The following MINAR1 variants were observed in gnomAD, a reference collection of about 807,000 sequenced individuals.
MINAR1 encodes the protein major intrinsically disordered Notch2-binding receptor 1.
A neutral mutation model predicts 65.1 loss-of-function variants in MINAR1; 40 were observed. That is an observed-to-expected ratio of 0.61 (90% CI 0.48 to 0.80). The LOEUF (loss-of-function observed/expected upper bound fraction) is 0.80, where lower values mean the gene tolerates loss of function less well. Among genes scored for constraint, MINAR1 ranks in the 30% least tolerant of loss-of-function variants. The pLI, the probability that MINAR1 is intolerant of heterozygous loss-of-function variation, is 0.00. For synonymous variants in MINAR1, 482 were observed against 449.1 expected, an observed-to-expected ratio of 1.07 and a Z score of -0.93; for missense variants, 1,128 against 1,148.0, an observed-to-expected ratio of 0.98 and a Z score of 0.25.
Position 79,458,201 on chromosome 15 carries a change from A to G in MINAR1, c.2054A>G (p.Asp685Gly). ...AACAACCCTGACTGGTGCTGCTCTG[A>G]TGCTAGCGGGAGCAACAGTGAAAGC... ...LENNPDWCCS[D>G]ASGSNSESLR... Residue 685 changes from aspartate (D) to glycine (G), a missense_variant, in exon 2 of 4, where the codon GAT becomes GGT. Asp to Gly is a moderately conservative substitution (Grantham distance 94). Transcript: ENST00000305428. 66 of 1,614,102 alleles carry G rather than the reference A, an allele frequency of 4.1e-5. No homozygotes were observed. Among genetic ancestry groups the G allele is most frequent in the Non-Finnish European group, 5.6e-5 (66 of 1,180,016 alleles).
chr15:79,456,758 C>CCAGCCCT lies in MINAR1; in HGVS notation c.619_625dup (p.Cys209SerfsTer4). 5 of 1,614,190 alleles carry CCAGCCCT rather than the reference C, an allele frequency of 3.1e-6. No homozygotes were observed. Among genetic ancestry groups the CCAGCCCT allele is most frequent in the Non-Finnish European group, 4.2e-6 (5 of 1,180,036 alleles). On this transcript the variant is annotated frameshift_variant, in exon 2 of 4. Coordinates refer to ENST00000305428, the MANE Select transcript of MINAR1 (RefSeq NM_015206.3). LOFTEE classifies it high-confidence loss of function. ...CAGGCCCTGGCTCCGTACTCTGTGA[C>CCAGCCCT]CAGCCCTCAGCCCTGTGAGATGCAG...
chr15:79,463,262 A>C lies in MINAR1; in HGVS notation c.2494A>C (p.Ile832Leu), dbSNP rs2297773. The C allele has an allele frequency of 6.2e-7, 1 of 1,614,048 alleles. No homozygotes were observed. Among genetic ancestry groups the C allele is most frequent in the Admixed American group, 1.7e-5 (1 of 60,026 alleles). ...GAAGCGGGGCCAACCTTCTTGGACCATTGAGGAGTATGCACGGAATGCGGG... is the reference window on the plus strand; with the variant it reads ...GAAGCGGGGCCAACCTTCTTGGACCCTTGAGGAGTATGCACGGAATGCGGG... ...EVKRGQPSWT[I>L]EEYARNAGDK... Residue 832 changes from isoleucine to leucine, a missense_variant, in exon 3 of 4, where the codon ATT becomes CTT. By Grantham distance (5) the Ile-to-Leu change is conservative. Coordinates refer to ENST00000305428, the MANE Select transcript of MINAR1 (RefSeq NM_015206.3).
chr15:79,463,602 A>T (rs1161760475), intron 3 of MINAR1: 4 of 627,438 alleles, frequency 6.4e-6, no homozygotes, highest in Non-Finnish European at 8.9e-6. Flanking sequence ...TGCATTTACG[A>T]CTCTGTACCA....
chr15:79,468,435 G>A lies in MINAR1; in HGVS notation c.*51G>A, dbSNP rs748754883. 2.6e-6 allele frequency: 4 copies of A among 1,525,742 alleles called. No individual in the cohort carries two copies. Among genetic ancestry groups the A allele is most frequent in the Non-Finnish European group, 3.6e-6 (4 of 1,114,670 alleles). The allele number at this position is 1,525,742 out of a possible 1,614,324, so 94.5% of individuals were successfully genotyped here. A position where few individuals can be genotyped will look rare whatever the true frequency, so the allele number is the denominator to read the frequency against. ...CTTATGACTACCAATGTCGTCGTCT[G>A]TATCTTAGAATCTTGCAGCAGTGAG... On this transcript the variant is annotated 3_prime_UTR_variant, in exon 4 of 4. Coordinates refer to ENST00000305428, the MANE Select transcript of MINAR1 (RefSeq NM_015206.3).
chr15:79,466,610 C>G (rs1440488732), intron 3 of MINAR1, among the ~76,000 whole-genome samples: 1 of 152,116 alleles, frequency 6.6e-6, no homozygotes, highest in Non-Finnish European at 1.5e-5. Flanking sequence ...GGTGGCAGGT[C>G]AGATACGGCC....
the MINAR1 span, chr15:79,411,654 G>T: frequency 3.3e-6 from 2 of 602,662 alleles, no homozygotes; most frequent in Admixed American, 5.1e-5. Flanking sequence ...AGTTAAACTG[G>T]CAAGGAACAA....
chr15:79,444,569 T>TA (rs1291394376), intron 1 of MINAR1, among the ~76,000 whole-genome samples: 128 of 152,260 alleles, frequency 8.4e-4, no homozygotes, highest in Non-Finnish European at 2.4e-4. Context: ...TTTATTACTA[T>TA]AAACTTTCCT....
At chr15:79,425,062 C>CA in the MINAR1 span, 50,485 of 150,968 alleles carry the variant, frequency 0.33, 10,100 homozygotes, top group Middle Eastern at 0.48. Context: ...TTTTTTGAGA[C>CA]AGAGTCTCAC....
chr15:79,427,980 T>C (rs1894349476), upstream of MINAR1, among the ~76,000 whole-genome samples: 3 of 152,192 alleles, frequency 2.0e-5, no homozygotes, highest in Admixed American at 2.0e-4. Context: ...AAATGTGTAC[T>C]GCTTGCCGTT....
chr15:79,431,596 GAAGA>G (rs2141271615), upstream of MINAR1, among the ~76,000 whole-genome samples: 1 of 152,292 alleles, frequency 6.6e-6, no homozygotes, highest in South Asian at 2.1e-4. Context: ...CCAGCCAAAA[GAAGA>G]AATCAGTGAG....
At position 79,468,537 on chromosome 15, in the gene MINAR1, T is replaced by C. The variant is rs1173333110; in HGVS notation, c.*153T>C. The C allele has an allele frequency of 1.4e-6, 1 of 693,522 alleles. No homozygotes were observed. Among genetic ancestry groups the C allele is most frequent in the Non-Finnish European group, 2.4e-6 (1 of 420,340 alleles). 43.0% of individuals were successfully genotyped at this position (693,522 alleles called of 1,614,324 possible). ...TTGAATGAAGGTGGTTTTCAGAAAG[T>C]ATACATTCTAGTGAGAAATCTACCT... is the stretch of plus-strand genomic sequence containing the variant. On this transcript the variant is annotated 3_prime_UTR_variant, in exon 4 of 4. Coordinates refer to ENST00000305428, the MANE Select transcript of MINAR1 (RefSeq NM_015206.3).
At chr15:79,436,116 T>G (rs1323708439) in intron 1 of MINAR1, among the ~76,000 whole-genome samples, 1 of 152,216 alleles carries the variant, frequency 6.6e-6, no homozygotes, top group Non-Finnish European at 1.5e-5. Context: ...TTGAGGATGA[T>G]GTGGAGCAGA....
chr15:79,454,316 G>T (rs1372710830), intron 1 of MINAR1, among the ~76,000 whole-genome samples: 1 of 152,168 alleles, frequency 6.6e-6, no homozygotes, highest in East Asian at 1.9e-4. Flanking sequence ...AGCCTATTGG[G>T]AGTGGCTGCC....
At chr15:79,467,164 C>CTGAG (rs1424689864) in intron 3 of MINAR1, among the ~76,000 whole-genome samples, 1 of 152,178 alleles carries the variant, frequency 6.6e-6, no homozygotes, top group African/African-American at 2.4e-5. Context: ...AATGGTACAA[C>CTGAG]TGAGTTTTTT....
rs1895443919 is a variant in MINAR1, at chr15:79,456,962, C to T, written c.815C>T (p.Pro272Leu). 2 of 1,613,998 alleles carry T rather than the reference C, an allele frequency of 1.2e-6. No homozygotes were observed. Among genetic ancestry groups the T allele is most frequent in the South Asian group, 2.2e-5 (2 of 91,086 alleles). ...TTTCACAATTTGATGGCAGTGTCCC[C>T]CAGTTTGGTTGGCCCCATCAGCAAA... ...EDFHNLMAVS[P>L]SLVGPISKAE... is the part of the protein sequence containing the mutation. The change falls in exon 2 of 4, where the codon CCC (proline) becomes CTC (leucine). Residue 272 changes from proline (P) to leucine (L), a missense_variant. Physicochemically the swap from Pro to Leu is moderately conservative, Grantham distance 98. Transcript: ENST00000305428.
upstream of MINAR1, among the ~76,000 whole-genome samples, chr15:79,427,913 G>A (rs187078434): frequency 6.6e-6 from 1 of 152,308 alleles, no homozygotes. Flanking sequence ...AGGAGAATCA[G>A]AGAGGGAGCT....
rs11857184 is a variant in MINAR1 at position 79,454,646 on chromosome 15, T to G, written c.-50-1452T>G. Among the ~76,000 whole-genome samples the G allele has an allele frequency of 7.0e-3, 1,070 of 152,336 alleles. 21 individuals carry two copies. Among genetic ancestry groups the G allele is most frequent in the African/African-American group, 0.025 (1,027 of 41,570 alleles). On this transcript the variant is annotated intron_variant, in intron 1 of 3. Transcript: ENST00000305428. Reference sequence around the variant, plus strand: ...CCATCCAAGATCTGTTAATGTAGTGTTTTTGTTCAATTTCAAGGTAAAGTT... The same window carrying G: ...CCATCCAAGATCTGTTAATGTAGTGGTTTTGTTCAATTTCAAGGTAAAGTT...
At chr15:79,458,617 G>C (rs574531592) in intron 2 of MINAR1, among the ~76,000 whole-genome samples, 172 bp downstream of exon 2, 1 of 152,338 alleles carries the variant, frequency 6.6e-6, no homozygotes, top group Admixed American at 6.5e-5. Flanking sequence ...AACATAGGCA[G>C]GTCGTGTGTT....
chr15:79,460,835 G>A (rs988755659), intron 2 of MINAR1, among the ~76,000 whole-genome samples: 1 of 152,182 alleles, frequency 6.6e-6, no homozygotes, highest in African/African-American at 2.4e-5. Flanking sequence ...ACCTTGATGA[G>A]TCTTCCTGTT....
Sources: gnomAD v4.1 joint callset for allele counts (sites outside exome capture counted in the v4.1 genomes callset) on GRCh38, gnomAD v4.1.1 for gene constraint, MANE v1.5 for transcripts, NCBI Gene and HGNC (gene_info 2026-07-23, HGNC 2026-07-21) for gene names.